UBE3A: variants seen among roughly 807,000 people sequenced by gnomAD.
UBE3A encodes the protein ubiquitin protein ligase E3A.
Under a neutral mutation model 83.4 loss-of-function variants are expected in UBE3A, and 6 were observed. The observed-to-expected ratio is 0.07, with a 90% CI of 0.04 to 0.14. The LOEUF (loss-of-function observed/expected upper bound fraction) is 0.14. Ranked by LOEUF, UBE3A falls within the 10% of genes least tolerant of loss-of-function variation. UBE3A has a pLI of 1.00. For missense variants in UBE3A, 456 were observed against 1,036.1 expected, an observed-to-expected ratio of 0.44 and a Z score of 7.69; for synonymous variants, 337 against 355.4, an observed-to-expected ratio of 0.95 and a Z score of 0.58.
chr15:25,402,732 G>A (rs1012676468), intron 4 of UBE3A, among the ~76,000 whole-genome samples: 6 of 152,302 alleles, frequency 3.9e-5, no homozygotes, highest in African/African-American at 4.8e-5. Flanking sequence ...AGGGACTGAG[G>A]GAGGTGTGAC....
chr15:25,418,109 G>GT (rs1887848566), intron 1 of UBE3A: 1 of 152,084 alleles, frequency 6.6e-6, no homozygotes, highest in Non-Finnish European at 1.5e-5. Context: ...GTAAGCAACT[G>GT]TAACAAAGTG....
chr15:25,358,694 A>C (rs1555392418), intron 7 of UBE3A, among the ~76,000 whole-genome samples: 1 of 152,200 alleles, frequency 6.6e-6, no homozygotes, highest in Non-Finnish European at 1.5e-5. Context: ...CTTTAAGTTT[A>C]AAAATAAGGA....
intron 1 of UBE3A, among the ~76,000 whole-genome samples, chr15:25,434,394 C>T (rs934922493): frequency 1.3e-5 from 2 of 152,066 alleles, no homozygotes; most frequent in Admixed American, 6.5e-5. Flanking sequence ...ACAGTGAGAC[C>T]CCCATCTCTA....
At chr15:25,355,595 TTACAGC>T (rs2077108058) in intron 9 of UBE3A, among the ~76,000 whole-genome samples, 1 of 152,176 alleles carries the variant, frequency 6.6e-6, no homozygotes. Flanking sequence ...AGGTTCCTGC[TTACAGC>T]TTAATACAAG....
rs543284170 is a variant in UBE3A, at chr15:25,377,581, A to T, written c.63-1818T>A. ...TACCCTTCAGTAAAGAAAGGGAGAT[A>T]ATGTCATGTTCTCCCAAACTACAGT... On this transcript the variant is annotated intron_variant, in intron 4 of 12. Coordinates refer to ENST00000648336, the MANE Select transcript of UBE3A (RefSeq NM_130839.5). Among the ~76,000 whole-genome samples, 5 of 152,332 alleles carry T rather than the reference A, an allele frequency of 3.3e-5. No individual in the cohort carries two copies. In the East Asian group the frequency reaches 9.6e-4, roughly 29 times the overall value.
At chr15:25,397,119 C>T (rs2085763265) in intron 4 of UBE3A, among the ~76,000 whole-genome samples, 1 of 152,164 alleles carries the variant, frequency 6.6e-6, no homozygotes, top group South Asian at 2.1e-4. Context: ...AAAGTGCTGC[C>T]TGGCTACAGT....
At chr15:25,350,426 G>A (rs2076335109) in intron 11 of UBE3A, among the ~76,000 whole-genome samples, 2 of 151,838 alleles carry the variant, frequency 1.3e-5, no homozygotes. Context: ...TTGGACCACT[G>A]CTGACCAAAG....
At chr15:25,428,197 G>A (rs1227147549) in intron 1 of UBE3A, among the ~76,000 whole-genome samples, 2 of 152,032 alleles carry the variant, frequency 1.3e-5, no homozygotes, top group Admixed American at 6.6e-5. Context: ...ACTTAAAAAA[G>A]ATGGTAAATT....
intron 1 of UBE3A, among the ~76,000 whole-genome samples, chr15:25,435,231 TACACACACACAC>T (rs56786510): frequency 1.0e-3 from 144 of 143,732 alleles, no homozygotes; most frequent in African/African-American, 3.3e-3. Context: ...GATAGGGTTT[TACACACACACAC>T]ACACACACAC....
At chr15:25,407,207 G>A (rs976257797) in intron 3 of UBE3A, 34 of 1,308,442 alleles carry the variant, frequency 2.6e-5, no homozygotes, top group African/African-American at 3.1e-5. Flanking sequence ...AGCATCAGAT[G>A]TCATACTGTA....
chr15:25,398,429 G>A (rs1596136956), intron 4 of UBE3A, among the ~76,000 whole-genome samples: 1 of 151,886 alleles, frequency 6.6e-6, no homozygotes, highest in East Asian at 1.9e-4. Context: ...TTGAAATTTT[G>A]TGTCCTCTGA....
intron 1 of UBE3A, among the ~76,000 whole-genome samples, chr15:25,436,633 A>C (rs1184249993): frequency 6.6e-6 from 1 of 152,202 alleles, no homozygotes; most frequent in Non-Finnish European, 1.5e-5. Context: ...TAAATGTTAC[A>C]TGTCAAAGAC....
At chr15:25,399,579 G>A (rs2086576388) in intron 4 of UBE3A, among the ~76,000 whole-genome samples, 2 of 147,898 alleles carry the variant, frequency 1.4e-5, no homozygotes. Flanking sequence ...TGTTTCTTTT[G>A]TTTTTAAAAG....
chr15:25,391,301 T>C (rs1464177903), intron 4 of UBE3A, among the ~76,000 whole-genome samples: 1 of 152,200 alleles, frequency 6.6e-6, no homozygotes, highest in Non-Finnish European at 1.5e-5. Flanking sequence ...AGTCAAATTT[T>C]AGAGGCAAAA....
chr15:25,375,301 T>A, intron 5 of UBE3A, 164 bp downstream of exon 5: 1 of 771,414 alleles, frequency 1.3e-6, no homozygotes. Context: ...ATTAGACCTG[T>A]AAAATGTAGT....
intron 6 of UBE3A, among the ~76,000 whole-genome samples, chr15:25,364,379 T>C (rs551099016): frequency 1.3e-5 from 2 of 152,264 alleles, no homozygotes; most frequent in East Asian, 3.9e-4. Flanking sequence ...CCTCCATCAA[T>C]TGTTCGGTCA....
chr15:25,412,699 T>A (rs2090209483), intron 1 of UBE3A, among the ~76,000 whole-genome samples: 1 of 152,148 alleles, frequency 6.6e-6, no homozygotes, highest in Admixed American at 6.6e-5. Context: ...CTGCATTACA[T>A]ATAAAGAAAG....
chr15:25,349,857 A>G (rs1006425371), intron 11 of UBE3A, among the ~76,000 whole-genome samples: 1 of 152,210 alleles, frequency 6.6e-6, no homozygotes, highest in Non-Finnish European at 1.5e-5. Flanking sequence ...CAGTAGACTA[A>G]AAGTGGTGGG....
At chr15:25,375,889 G>T in intron 4 of UBE3A, 126 bp from the exon 5 acceptor site, 1 of 1,043,772 alleles carries the variant, frequency 9.6e-7, no homozygotes, top group Non-Finnish European at 1.4e-6. Flanking sequence ...AAGATGAGAA[G>T]TAGAAAATGG....
Sources: allele counts gnomAD v4.1 joint callset (sites outside exome capture counted in the v4.1 genomes callset), GRCh38; gene constraint gnomAD v4.1.1; transcripts MANE v1.5; gene names NCBI Gene and HGNC (gene_info 2026-07-23, HGNC 2026-07-21).